The following RSPH14 variants were observed in gnomAD, a reference collection of about 807,000 sequenced individuals.
RSPH14 encodes the protein radial spoke head 14 homolog, also known as rhabdoid tumor deletion region gene 1.
RSPH14 carries 20 observed loss-of-function variants against 26.7 expected under a neutral mutation model. The observed-to-expected ratio is 0.75, with a 90% CI of 0.53 to 1.09. The LOEUF is 1.09. Ranked by LOEUF, RSPH14 falls within the 50% of genes least tolerant of loss-of-function variation. The pLI is 0.00. For missense variants in RSPH14, 449 were observed against 457.2 expected (o/e 0.98, Z 0.16); for synonymous variants, 177 against 189.3 (o/e 0.93, Z 0.53).
At chr22:23,069,468 G>A (rs1234280805) in intron 4 of RSPH14, among the ~76,000 whole-genome samples, 1 of 152,216 alleles carries the variant, frequency 6.6e-6, no homozygotes, top group Non-Finnish European at 1.5e-5. Context: ...TCCACAGATA[G>A]GCTTTGAAAT....
intron 4 of RSPH14, among the ~76,000 whole-genome samples, chr22:23,119,435 T>C (rs994063480): frequency 6.6e-6 from 1 of 152,238 alleles, no homozygotes; most frequent in African/African-American, 2.4e-5. Flanking sequence ...CCTCCCGCTC[T>C]GTCTTGTCCC....
At chr22:23,063,265 G>A (rs1359208997) in intron 5 of RSPH14, among the ~76,000 whole-genome samples, 1 of 152,208 alleles carries the variant, frequency 6.6e-6, no homozygotes, top group Admixed American at 6.5e-5. Context: ...ACTCTCAGAA[G>A]AGAAGCCAGG....
Position 23,067,938 on chromosome 22 carries a change from T to C in RSPH14, c.422-3805A>G, listed in dbSNP as rs543929488. Among the ~76,000 whole-genome samples, 18 of 152,386 alleles carry C rather than the reference T, an allele frequency of 1.2e-4. No individual in the cohort carries two copies. The South Asian group carries it at 3.5e-3, about 30-fold the overall frequency. On this transcript the variant is annotated intron_variant, in intron 4 of 6. Transcript: ENST00000216036. ...AACTGATGTTTTTGTTATTTTATTATGTCCAGTAGGACAACTCACATTGTC... is the reference window on the plus strand; with the variant it reads ...AACTGATGTTTTTGTTATTTTATTACGTCCAGTAGGACAACTCACATTGTC...
chr22:23,165,873 A>G, the RSPH14 span, among the ~76,000 whole-genome samples: 11 of 152,160 alleles, frequency 7.2e-5, no homozygotes, highest in Non-Finnish European at 1.0e-4. Context: ...CAGGCTGGGC[A>G]CAGTGGCTCA....
At chr22:23,079,330 C>T (rs142722447) in intron 4 of RSPH14, among the ~76,000 whole-genome samples, 3 of 152,272 alleles carry the variant, frequency 2.0e-5, no homozygotes, top group South Asian at 2.1e-4. Context: ...GGAGAGGGCG[C>T]GGAAGCGAAG....
chr22:23,108,164 G>C (rs1437275516), intron 4 of RSPH14, among the ~76,000 whole-genome samples: 2 of 152,228 alleles, frequency 1.3e-5, no homozygotes, highest in Admixed American at 1.3e-4. Context: ...CCCAACCCCT[G>C]CCCCTGTACA....
At chr22:23,102,280 G>T (rs1372340708) in intron 4 of RSPH14, among the ~76,000 whole-genome samples, 1 of 152,248 alleles carries the variant, frequency 6.6e-6, no homozygotes, top group Non-Finnish European at 1.5e-5. Flanking sequence ...CCCATGGGAT[G>T]CTGGCTCAAG....
At chr22:23,082,368 C>T (rs2068707037) in intron 4 of RSPH14, among the ~76,000 whole-genome samples, 1 of 145,920 alleles carries the variant, frequency 6.9e-6, no homozygotes, top group Non-Finnish European at 1.5e-5. Flanking sequence ...CACACCACCA[C>T]ACCTGGCTAT....
At chr22:23,078,165 C>T (rs955219180) in intron 4 of RSPH14, among the ~76,000 whole-genome samples, 13 of 152,244 alleles carry the variant, frequency 8.5e-5, no homozygotes, top group South Asian at 2.1e-4. Flanking sequence ...CCCCCTCACC[C>T]GCTCAGTTAC....
chr22:23,137,468 G>A (rs965382104), intron 3 of RSPH14, among the ~76,000 whole-genome samples: 15 of 152,108 alleles, frequency 9.9e-5, no homozygotes, highest in Middle Eastern at 3.4e-3. Context: ...GGGTAGAAGA[G>A]GCAGAAGAGT....
At chr22:23,139,653 T>C (rs2070555000) in intron 2 of RSPH14, among the ~76,000 whole-genome samples, 1 of 151,870 alleles carries the variant, frequency 6.6e-6, no homozygotes, top group African/African-American at 2.4e-5. Context: ...TAAATACAAA[T>C]CTAGCTTTAT....
At chr22:23,089,945 A>C (rs1408969947) in intron 4 of RSPH14, among the ~76,000 whole-genome samples, 1 of 152,170 alleles carries the variant, frequency 6.6e-6, no homozygotes, top group Non-Finnish European at 1.5e-5. Context: ...ACAGCCCACT[A>C]GGGCTTCTTG....
rs148603348 is a variant in RSPH14, at chr22:23,095,989, C to T, written c.422-31856G>A. ...CCCTCAGGATCGACTTCCACAACCC[C>T]GACCGCGCCTACGACGCTGTGCAGC... On this transcript the variant is annotated intron_variant, in intron 4 of 6. Transcript: ENST00000216036. 6.2e-4 allele frequency: 998 copies of T among 1,609,846 alleles called. 1 individual carries two copies. The highest frequency in any genetic ancestry group is 8.1e-4 in the Non-Finnish European group (960 of 1,179,998).
chr22:23,137,084 G>C (rs897414307), intron 3 of RSPH14, among the ~76,000 whole-genome samples: 1 of 138,820 alleles, frequency 7.2e-6, no homozygotes, highest in African/African-American at 2.6e-5. Flanking sequence ...CACAGGGCCG[G>C]GGCTGCACAC....
intron 4 of RSPH14, among the ~76,000 whole-genome samples, chr22:23,100,339 T>C (rs944709541): frequency 1.8e-4 from 28 of 152,230 alleles, no homozygotes; most frequent in African/African-American, 6.3e-4. Flanking sequence ...CCCACAGTAG[T>C]CACTTGGGCC....
At chr22:23,138,965 A>G in intron 2 of RSPH14, 23 bp from the exon 3 acceptor site, 1 of 1,519,974 alleles carries the variant, frequency 6.6e-7, no homozygotes, top group Non-Finnish European at 8.8e-7. Flanking sequence ...AAAAAAACAA[A>G]CAAACCAACC....
Position 23,130,134 on chromosome 22 carries a change from A to AG in RSPH14, c.421+3891dup, listed in dbSNP as rs1257000504. Among the ~76,000 whole-genome samples, 18 of 117,120 alleles carry AG rather than the reference A, an allele frequency of 1.5e-4. 1 individual carries two copies. The highest frequency in any genetic ancestry group is 3.0e-4 in the Non-Finnish European group (16 of 53,040). 76.8% of individuals were successfully genotyped at this position (117,120 alleles called of 152,430 possible). Reference sequence around the variant, plus strand: ...AAGAAAGAAAGAAAGAAAGAAAGAAAGAAAGAAAGAAAGAAAGAAAGAAAG... The same window carrying AG: ...AAGAAAGAAAGAAAGAAAGAAAGAAAGGAAAGAAAGAAAGAAAGAAAGAAAG... On this transcript the variant is annotated intron_variant, in intron 4 of 6. Coordinates refer to ENST00000216036, the MANE Select transcript of RSPH14 (RefSeq NM_014433.3).
chr22:23,110,591 T>C (rs186379887), intron 4 of RSPH14, among the ~76,000 whole-genome samples: 2 of 152,328 alleles, frequency 1.3e-5, no homozygotes, highest in East Asian at 3.9e-4. Flanking sequence ...AGATGGGCAG[T>C]AGACAGTGTT....
chr22:23,130,496 A>AAGAAAGAAGGAAAGAAAGAAAGAAAG (rs67156030), intron 4 of RSPH14, among the ~76,000 whole-genome samples: 2 of 110,692 alleles, frequency 1.8e-5, no homozygotes, highest in African/African-American at 3.6e-5. Context: ...GAAGGAAAGA[A>AAGAAAGAAGGAAAGAAAGAAAGAAAG]AAAGAAAGAA....
Sources: gnomAD v4.1 joint callset for allele counts (sites outside exome capture counted in the v4.1 genomes callset) on GRCh38, gnomAD v4.1.1 for gene constraint, MANE v1.5 for transcripts, NCBI Gene and HGNC (gene_info 2026-07-23, HGNC 2026-07-21) for gene names.